GPC5: variants seen among roughly 807,000 people sequenced by gnomAD.
GPC5 encodes the protein glypican 5, also known as glypican-5.
In GPC5, 47 loss-of-function variants were observed where a neutral mutation model predicts 53.9. The ratio of observed to expected loss-of-function variants is 0.87; its 90% confidence interval spans 0.69 to 1.11. The LOEUF (loss-of-function observed/expected upper bound fraction) is 1.11, where lower values mean the gene tolerates loss of function less well. Among genes scored for constraint, GPC5 ranks in the 50% most tolerant of loss-of-function variants. The pLI is 0.00. For synonymous variants in GPC5, 286 were observed against 263.3 expected (o/e 1.09, Z -0.84); for missense variants, 748 against 713.1 (o/e 1.05, Z -0.56).
intron 7 of GPC5, among the ~76,000 whole-genome samples, chr13:92,668,400 G>A (rs1399574907): frequency 6.6e-6 from 1 of 152,078 alleles, no homozygotes; most frequent in African/African-American, 2.4e-5. Context: ...GCATTTCCAG[G>A]CTAAGTTTAA....
chr13:92,615,517 CA>C (rs1006397087), intron 7 of GPC5, among the ~76,000 whole-genome samples: 2 of 152,116 alleles, frequency 1.3e-5, no homozygotes, highest in African/African-American at 4.8e-5. Context: ...GAATTTACAA[CA>C]AAAGTTGATC....
intron 7 of GPC5, among the ~76,000 whole-genome samples, chr13:92,399,523 C>T (rs561495148): frequency 1.8e-4 from 28 of 152,278 alleles, no homozygotes; most frequent in Middle Eastern, 3.4e-3. Flanking sequence ...AGCCACCTCA[C>T]GCCTTAACAC....
At chr13:91,852,442 C>T (rs1342334446) in intron 5 of GPC5, among the ~76,000 whole-genome samples, 1 of 151,312 alleles carries the variant, frequency 6.6e-6, no homozygotes, top group Admixed American at 6.6e-5. Flanking sequence ...CTGGAAGATC[C>T]TAGGTGTCAC....
chr13:91,475,471 A>G (rs1882874624), intron 2 of GPC5, among the ~76,000 whole-genome samples: 1 of 152,202 alleles, frequency 6.6e-6, no homozygotes, highest in African/African-American at 2.4e-5. Context: ...TTGGTCAATT[A>G]TCACTGCATA....
At chr13:91,419,292 A>G (rs914154211) in intron 1 of GPC5, among the ~76,000 whole-genome samples, 3 of 152,188 alleles carry the variant, frequency 2.0e-5, no homozygotes, top group Admixed American at 2.0e-4. Context: ...TAATAGTGAG[A>G]CAATGAATAT....
chr13:91,793,927 G>A (rs1400036025), intron 5 of GPC5, among the ~76,000 whole-genome samples: 1 of 152,000 alleles, frequency 6.6e-6, no homozygotes, highest in Admixed American at 6.5e-5. Flanking sequence ...ATTACAATTC[G>A]AGATGAGATT....
intron 7 of GPC5, among the ~76,000 whole-genome samples, chr13:92,808,672 C>A (rs1021687038): frequency 1.9e-4 from 29 of 152,010 alleles, no homozygotes; most frequent in African/African-American, 6.3e-4. Context: ...ACAGAATCAA[C>A]CAATCAGCAA....
intron 6 of GPC5, among the ~76,000 whole-genome samples, chr13:91,936,020 C>T (rs1327120632): frequency 7.0e-6 from 1 of 142,386 alleles, no homozygotes; most frequent in Non-Finnish European, 1.6e-5. Context: ...TTTGAAAAAG[C>T]TTCCTCCCTG....
At chr13:91,704,343 C>T (rs183879494) in intron 3 of GPC5, among the ~76,000 whole-genome samples, 35 of 152,258 alleles carry the variant, frequency 2.3e-4, no homozygotes, top group Admixed American at 1.1e-3. Flanking sequence ...GAATGAATAT[C>T]CTTTTCTACC....
Position 91,447,442 on chromosome 13 carries a change from C to T in GPC5, c.164-1319C>T, listed in dbSNP as rs531210419. Among the ~76,000 whole-genome samples the T allele has an allele frequency of 1.9e-4, 29 of 151,574 alleles. No individual in the cohort carries two copies. In the East Asian group the frequency reaches 3.3e-3, roughly 17 times the overall value. On this transcript the variant is annotated intron_variant, in intron 1 of 7. Transcript: ENST00000377067. ...AAAATGTTACCTACTGTGACACTTA[C>T]GAATATTTTATGCTTCTTAGCCTTT...
intron 7 of GPC5, among the ~76,000 whole-genome samples, chr13:92,347,862 T>TAAA (rs1566549622): frequency 5.8e-5 from 1 of 17,314 alleles, no homozygotes; most frequent in African/African-American, 5.9e-4. Context: ...TACATATATA[T>TAAA]ATTATATATA....
chr13:91,904,255 G>A (rs1235343818), intron 5 of GPC5, among the ~76,000 whole-genome samples: 2 of 148,232 alleles, frequency 1.3e-5, no homozygotes, highest in African/African-American at 5.0e-5. Context: ...GCTCACTGCA[G>A]CATTAATCTC....
chr13:92,620,008 C>T (rs1183885025), intron 7 of GPC5, among the ~76,000 whole-genome samples: 5 of 151,896 alleles, frequency 3.3e-5, no homozygotes, highest in East Asian at 1.9e-4. Context: ...TTTAGAAAGA[C>T]GGTTATAAAG....
intron 2 of GPC5, among the ~76,000 whole-genome samples, chr13:91,469,630 A>G (rs1882481540): frequency 6.6e-6 from 1 of 152,110 alleles, no homozygotes; most frequent in Non-Finnish European, 1.5e-5. Flanking sequence ...TTCCACTTTA[A>G]TTTCAAAGGT....
At chr13:91,522,335 C>T (rs926726181) in intron 2 of GPC5, among the ~76,000 whole-genome samples, 11 of 152,136 alleles carry the variant, frequency 7.2e-5, no homozygotes, top group South Asian at 4.1e-4. Context: ...GCATACAAAA[C>T]GACATCACGT....
chr13:92,288,259 C>T (rs12874865), intron 7 of GPC5, among the ~76,000 whole-genome samples: 10,134 of 152,222 alleles, frequency 0.067, 382 homozygotes, highest in Non-Finnish European at 0.086. Flanking sequence ...TGGACATCCT[C>T]AGAGATGTTT....
chr13:92,030,966 C>T (rs1349176811), intron 6 of GPC5, among the ~76,000 whole-genome samples: 1 of 152,152 alleles, frequency 6.6e-6, no homozygotes, highest in African/African-American at 2.4e-5. Flanking sequence ...GACAAGGACC[C>T]TGTTTTTAGC....
intron 7 of GPC5, among the ~76,000 whole-genome samples, chr13:92,639,640 A>T (rs777744565): frequency 5.3e-5 from 8 of 152,214 alleles, no homozygotes; most frequent in Non-Finnish European, 1.2e-4. Context: ...GGGCATTCTT[A>T]AACCATTTAT....
At chr13:92,026,737 T>G (rs1024044004) in intron 6 of GPC5, among the ~76,000 whole-genome samples, 1 of 152,076 alleles carries the variant, frequency 6.6e-6, no homozygotes, top group Non-Finnish European at 1.5e-5. Context: ...TGGTGAAAAC[T>G]GATATTAGTT....
Sources: gnomAD v4.1 joint callset for allele counts (sites outside exome capture counted in the v4.1 genomes callset) on GRCh38, gnomAD v4.1.1 for gene constraint, MANE v1.5 for transcripts, NCBI Gene and HGNC (gene_info 2026-07-23, HGNC 2026-07-21) for gene names.